Variants in CNTN4 observed in about 807,000 individuals in gnomAD.
The protein encoded by CNTN4 is contactin 4.
CNTN4 carries 77 observed loss-of-function variants against 122.5 expected under a neutral mutation model. The observed-to-expected ratio is 0.63, with a 90% CI of 0.52 to 0.76. CNTN4 has a LOEUF of 0.76. CNTN4 is among the 30% of genes least tolerant of loss of function. The pLI is 0.00. For synonymous variants in CNTN4, 512 were observed against 447.0 expected, an observed-to-expected ratio of 1.15 and a Z score of -1.83; for missense variants, 1,256 against 1,259.1, an observed-to-expected ratio of 1.00 and a Z score of 0.04.
intron 10 of CNTN4, among the ~76,000 whole-genome samples, chr3:2,890,486 C>A (rs922571814): frequency 1.3e-5 from 2 of 152,206 alleles, no homozygotes; most frequent in Admixed American, 6.5e-5. Context: ...AGCTTAGAAA[C>A]CTGCTTCTTT....
At chr3:2,487,948 G>A (rs1239703399) in intron 3 of CNTN4, among the ~76,000 whole-genome samples, 4 of 152,142 alleles carry the variant, frequency 2.6e-5, no homozygotes, top group South Asian at 2.1e-4. Flanking sequence ...TTTTAAGACC[G>A]AAAATAAAGA....
intron 2 of CNTN4, among the ~76,000 whole-genome samples, chr3:2,335,370 A>C (rs2043907739): frequency 6.6e-6 from 1 of 152,056 alleles, no homozygotes; most frequent in African/African-American, 2.4e-5. Flanking sequence ...CTCATGGATT[A>C]CCTCAGTCTA....
intron 3 of CNTN4, among the ~76,000 whole-genome samples, chr3:2,380,813 A>G (rs181000365): frequency 5.9e-5 from 9 of 152,200 alleles, no homozygotes; most frequent in African/African-American, 2.2e-4. Flanking sequence ...GAAAGAGCAA[A>G]CTAGGTGTCT....
chr3:2,682,146 A>G (rs547679979), intron 4 of CNTN4, among the ~76,000 whole-genome samples: 1 of 152,334 alleles, frequency 6.6e-6, no homozygotes, highest in South Asian at 2.1e-4. Context: ...GTTAAAGAAC[A>G]TGAGTACCTG....
chr3:2,843,769 C>A (rs1043584391), intron 7 of CNTN4, among the ~76,000 whole-genome samples: 3 of 152,170 alleles, frequency 2.0e-5, no homozygotes, highest in Non-Finnish European at 2.9e-5. Context: ...ACTGTGTTTC[C>A]TGTACAGTTT....
intron 2 of CNTN4, among the ~76,000 whole-genome samples, chr3:2,126,189 G>A (rs1318374078): frequency 6.6e-6 from 1 of 151,996 alleles, no homozygotes; most frequent in Admixed American, 6.6e-5. Context: ...ATCTCTAACC[G>A]CTTAAAATCT....
At chr3:2,577,643 C>T (rs983462720) in intron 4 of CNTN4, among the ~76,000 whole-genome samples, 1 of 152,142 alleles carries the variant, frequency 6.6e-6, no homozygotes, top group African/African-American at 2.4e-5. Context: ...AGGGTTAGAG[C>T]TCAGCCTGGA....
Position 2,296,086 on chromosome 3 carries a change from T to C in CNTN4, c.-144-43092T>C, listed in dbSNP as rs888311245. On this transcript the variant is annotated intron_variant, in intron 2 of 24. Transcript: ENST00000418658. ...TGCTGTTCTGGTTACTGTAGCCTTG[T>C]AGTATAGTTTGAAGTCAGGTAGCGT... Among the ~76,000 whole-genome samples, 24 of 152,200 alleles carry C rather than the reference T, an allele frequency of 1.6e-4. 3 individuals carry two copies. Among genetic ancestry groups the C allele is most frequent in the Admixed American group, 1.4e-3 (22 of 15,282 alleles).
chr3:2,811,800 G>T (rs1214318652), intron 6 of CNTN4, among the ~76,000 whole-genome samples: 1 of 93,250 alleles, frequency 1.1e-5, no homozygotes, highest in East Asian at 3.4e-4. Context: ...CAGAGCAGCT[G>T]GGACTACAGC....
At chr3:2,919,494 T>G (rs925112063) in intron 12 of CNTN4, among the ~76,000 whole-genome samples, 1 of 152,172 alleles carries the variant, frequency 6.6e-6, no homozygotes. Flanking sequence ...AGGATACATA[T>G]TCTTGCCTTC....
intron 3 of CNTN4, among the ~76,000 whole-genome samples, chr3:2,394,998 G>A (rs1347495468): frequency 1.3e-5 from 2 of 151,958 alleles, no homozygotes; most frequent in Non-Finnish European, 1.5e-5. Flanking sequence ...TGTTGGCCAG[G>A]CTGGTCTTGA....
intron 6 of CNTN4, among the ~76,000 whole-genome samples, chr3:2,807,613 A>C (rs970537129): frequency 6.6e-6 from 1 of 152,320 alleles, no homozygotes; most frequent in South Asian, 2.1e-4. Context: ...GATGAAACAA[A>C]GCTGTTACTC....
At chr3:2,981,426 A>G (rs1577490962) in intron 13 of CNTN4, among the ~76,000 whole-genome samples, 1 of 152,216 alleles carries the variant, frequency 6.6e-6, no homozygotes, top group African/African-American at 2.4e-5. Flanking sequence ...CCTGGGCGAC[A>G]GAGCGAGACT....
intron 4 of CNTN4, among the ~76,000 whole-genome samples, chr3:2,707,080 G>A (rs557940510): frequency 2.0e-5 from 3 of 151,910 alleles, no homozygotes; most frequent in South Asian, 4.2e-4. Context: ...CAGGTGGATC[G>A]CTTGAGACCA....
intron 2 of CNTN4, among the ~76,000 whole-genome samples, chr3:2,208,115 C>T (rs1467550740): frequency 1.3e-5 from 2 of 152,084 alleles, no homozygotes; most frequent in African/African-American, 4.8e-5. Context: ...ATATATACTT[C>T]ATAAGGCTAT....
At chr3:3,006,151 C>T (rs1422925178) in intron 14 of CNTN4, among the ~76,000 whole-genome samples, 4 of 152,142 alleles carry the variant, frequency 2.6e-5, no homozygotes, top group African/African-American at 9.7e-5. Flanking sequence ...GCTGGGATTA[C>T]AGGCATGAGC....
At chr3:2,488,791 G>GA (rs756379868) in intron 3 of CNTN4, among the ~76,000 whole-genome samples, 1 of 152,118 alleles carries the variant, frequency 6.6e-6, no homozygotes, top group Non-Finnish European at 1.5e-5. Flanking sequence ...GCATTCAACG[G>GA]AAATGCATAA....
At chr3:2,515,781 T>A (rs1281890025) in intron 3 of CNTN4, among the ~76,000 whole-genome samples, 1 of 152,170 alleles carries the variant, frequency 6.6e-6, no homozygotes. Flanking sequence ...TGGAAAAAGC[T>A]AAATTAATTT....
chr3:2,866,658 T>C, intron 7 of CNTN4, 94 bp from the exon 8 acceptor site: 1 of 1,291,608 alleles, frequency 7.7e-7, no homozygotes, highest in Non-Finnish European at 1.1e-6. Flanking sequence ...TGGACAACAA[T>C]GTATACATTT....
Sources: allele counts gnomAD v4.1 joint callset (sites outside exome capture counted in the v4.1 genomes callset), GRCh38; gene constraint gnomAD v4.1.1; transcripts MANE v1.5; gene names NCBI Gene and HGNC (gene_info 2026-07-23, HGNC 2026-07-21).